SLC24A2: variants seen among roughly 807,000 people sequenced by gnomAD.
SLC24A2 encodes the protein solute carrier family 24 member 2.
A neutral mutation model predicts 62.0 loss-of-function variants in SLC24A2; 36 were observed. That is an observed-to-expected ratio of 0.58 (90% CI 0.44 to 0.77). The LOEUF (loss-of-function observed/expected upper bound fraction) is 0.77, where lower values mean the gene tolerates loss of function less well. SLC24A2 is among the 30% of genes least tolerant of loss of function. SLC24A2 has a pLI of 0.00. For synonymous variants in SLC24A2, 358 were observed against 294.0 expected, an observed-to-expected ratio of 1.22 and a Z score of -2.23; for missense variants, 846 against 817.9, an observed-to-expected ratio of 1.03 and a Z score of -0.42.
chr9:20,215,809 C>T, the SLC24A2 span, among the ~76,000 whole-genome samples: 220 of 152,252 alleles, frequency 1.4e-3, 2 homozygotes, highest in African/African-American at 4.9e-3. Flanking sequence ...TGAGATTACT[C>T]CTGGCTCCAG....
the SLC24A2 span, among the ~76,000 whole-genome samples, chr9:20,279,414 C>T: frequency 6.6e-6 from 1 of 152,118 alleles, no homozygotes; most frequent in Non-Finnish European, 1.5e-5. Context: ...GCCTGTAATC[C>T]CAGCTACTCA....
At chr9:19,682,275 T>A (rs142983948) in intron 2 of SLC24A2, among the ~76,000 whole-genome samples, 1 of 152,166 alleles carries the variant, frequency 6.6e-6, no homozygotes, top group Non-Finnish European at 1.5e-5. Flanking sequence ...TGAAATGACA[T>A]TGAATGTTTG....
At chr9:20,118,794 A>G in the SLC24A2 span, among the ~76,000 whole-genome samples, 1 of 152,168 alleles carries the variant, frequency 6.6e-6, no homozygotes, top group African/African-American at 2.4e-5. Context: ...GTGGTAAACA[A>G]GTATAGGGTA....
At chr9:20,001,107 G>A in the SLC24A2 span, among the ~76,000 whole-genome samples, 1 of 152,138 alleles carries the variant, frequency 6.6e-6, no homozygotes, top group Non-Finnish European at 1.5e-5. Context: ...GCATTTTGTG[G>A]GCCACAAAGG....
At chr9:19,833,089 C>T in the SLC24A2 span, among the ~76,000 whole-genome samples, 198 of 152,190 alleles carry the variant, frequency 1.3e-3, 2 homozygotes, top group East Asian at 5.8e-3. Flanking sequence ...AGTTAGGAAA[C>T]GATATTGGGA....
At chr9:20,077,640 T>A in the SLC24A2 span, among the ~76,000 whole-genome samples, 2 of 152,124 alleles carry the variant, frequency 1.3e-5, no homozygotes, top group Admixed American at 6.5e-5. Flanking sequence ...TAGGGTCTCA[T>A]ACTAAACTTG....
chr9:20,063,146 A>G, the SLC24A2 span, among the ~76,000 whole-genome samples: 1 of 142,690 alleles, frequency 7.0e-6, no homozygotes, highest in Admixed American at 7.3e-5. Context: ...TACTGGGTAT[A>G]TACCCAAAGG....
At chr9:20,224,586 G>T in the SLC24A2 span, among the ~76,000 whole-genome samples, 1 of 151,816 alleles carries the variant, frequency 6.6e-6, no homozygotes, top group East Asian at 1.9e-4. Flanking sequence ...TGCCTTCAAG[G>T]TAAATCCTAG....
At chr9:19,905,632 C>T in the SLC24A2 span, among the ~76,000 whole-genome samples, 8 of 151,956 alleles carry the variant, frequency 5.3e-5, no homozygotes, top group East Asian at 1.9e-4. Context: ...AGGCTGCTCA[C>T]GAACTCCCAA....
the SLC24A2 span, among the ~76,000 whole-genome samples, chr9:19,839,983 G>C: frequency 6.6e-6 from 1 of 152,152 alleles, no homozygotes; most frequent in Non-Finnish European, 1.5e-5. Flanking sequence ...AGTACACTCT[G>C]TGTTGTTTGA....
the SLC24A2 span, among the ~76,000 whole-genome samples, chr9:20,093,067 T>C: frequency 1.3e-5 from 2 of 151,986 alleles, no homozygotes; most frequent in Non-Finnish European, 2.9e-5. Flanking sequence ...CAGGGTTTTT[T>C]TGTTCTGTTT....
intron 2 of SLC24A2, among the ~76,000 whole-genome samples, chr9:19,648,233 T>C (rs1358217894): frequency 2.0e-5 from 3 of 152,154 alleles, no homozygotes; most frequent in African/African-American, 7.2e-5. Context: ...TCAAAGGCCG[T>C]CCAATTAATC....
chr9:20,077,292 T>C, the SLC24A2 span, among the ~76,000 whole-genome samples: 2 of 152,236 alleles, frequency 1.3e-5, no homozygotes, highest in African/African-American at 4.8e-5. Context: ...TCAGCTGCTC[T>C]TGCCAAAAAA....
At chr9:19,535,736 T>C (rs1216526290) in intron 8 of SLC24A2, among the ~76,000 whole-genome samples, 1 of 152,184 alleles carries the variant, frequency 6.6e-6, no homozygotes. Context: ...ACCAGTACCA[T>C]GCTGTTTTGG....
At chr9:19,875,039 T>C in the SLC24A2 span, among the ~76,000 whole-genome samples, 4 of 150,488 alleles carry the variant, frequency 2.7e-5, no homozygotes, top group Non-Finnish European at 5.9e-5. Context: ...AGTTTTTGCC[T>C]TATGTATTTG....
chr9:20,275,347 G>C, the SLC24A2 span, among the ~76,000 whole-genome samples: 3 of 151,982 alleles, frequency 2.0e-5, no homozygotes, highest in African/African-American at 7.2e-5. Flanking sequence ...CACTCCTTCT[G>C]CTCAAATTCC....
the SLC24A2 span, among the ~76,000 whole-genome samples, chr9:20,022,024 T>C: frequency 6.6e-6 from 1 of 152,224 alleles, no homozygotes; most frequent in African/African-American, 2.4e-5. Flanking sequence ...CCTAAAATCC[T>C]GATTTAATTT....
chr9:19,556,106 C>T (rs1292327099), intron 7 of SLC24A2, among the ~76,000 whole-genome samples: 1 of 152,196 alleles, frequency 6.6e-6, no homozygotes, highest in Non-Finnish European at 1.5e-5. Context: ...TCACGGGTCA[C>T]TCAGCATCTA....
chr9:19,608,492 T>A (rs950373405), intron 4 of SLC24A2, among the ~76,000 whole-genome samples: 1 of 152,178 alleles, frequency 6.6e-6, no homozygotes, highest in Non-Finnish European at 1.5e-5. Flanking sequence ...TGTGAACATG[T>A]GTGGCCACAG....
Sources: gnomAD v4.1 joint callset for allele counts (sites outside exome capture counted in the v4.1 genomes callset) on GRCh38, gnomAD v4.1.1 for gene constraint, MANE v1.5 for transcripts, NCBI Gene and HGNC (gene_info 2026-07-23, HGNC 2026-07-21) for gene names.